The following CCM2 variants were observed in gnomAD, a reference collection of about 807,000 sequenced individuals.
CCM2 encodes cerebral cavernous malformations 2 protein.
In CCM2, 25 loss-of-function variants were observed where a neutral mutation model predicts 44.9. The ratio of observed to expected loss-of-function variants is 0.56; its 90% CI spans 0.41 to 0.78. The LOEUF (loss-of-function observed/expected upper bound fraction) is 0.78. Among genes scored for constraint, CCM2 ranks in the 30% least tolerant of loss-of-function variants. CCM2 has a pLI of 0.00. For synonymous variants in CCM2, 219 were observed against 241.1 expected (o/e 0.91, Z 0.85); for missense variants, 481 against 580.6 (o/e 0.83, Z 1.76).
At chr7:45,036,320 T>A (rs1797216753) in intron 1 of CCM2, among the ~76,000 whole-genome samples, 1 of 152,138 alleles carries the variant, frequency 6.6e-6, no homozygotes, top group Non-Finnish European at 1.5e-5. Context: ...AAAACCCAGC[T>A]ATGAAAGGGT....
At chr7:45,015,822 G>A (rs927092701) in intron 1 of CCM2, among the ~76,000 whole-genome samples, 3 of 152,198 alleles carry the variant, frequency 2.0e-5, no homozygotes, top group Non-Finnish European at 4.4e-5. Flanking sequence ...TCTTGTCCTT[G>A]ACATGCATGC....
At chr7:45,038,566 A>T (rs989201279) in intron 2 of CCM2, 140 bp downstream of exon 2, 1 of 865,174 alleles carries the variant, frequency 1.2e-6, no homozygotes, top group African/African-American at 1.7e-5. Flanking sequence ...TGTCTTGTCT[A>T]TGCTGATAAA....
chr7:45,030,463 G>A (rs897734362), intron 1 of CCM2, among the ~76,000 whole-genome samples: 1 of 152,132 alleles, frequency 6.6e-6, no homozygotes, highest in Non-Finnish European at 1.5e-5. Flanking sequence ...TCCAGACAGG[G>A]TCTCACTCTG....
At chr7:45,009,407 T>G (rs1436591360) in intron 1 of CCM2, among the ~76,000 whole-genome samples, 1 of 140,142 alleles carries the variant, frequency 7.1e-6, no homozygotes, top group African/African-American at 2.6e-5. Flanking sequence ...TACTTGTTTT[T>G]TTTTTTTTTT....
At chr7:45,027,144 T>G (rs1016824828) in intron 1 of CCM2, 3 of 187,512 alleles carry the variant, frequency 1.6e-5, no homozygotes, top group Admixed American at 5.4e-5. Flanking sequence ...GAGCCCGGTG[T>G]GCCCTGCCCA....
At chr7:45,036,865 G>A (rs944605003) in intron 1 of CCM2, among the ~76,000 whole-genome samples, 4 of 152,172 alleles carry the variant, frequency 2.6e-5, no homozygotes, top group Admixed American at 2.6e-4. Flanking sequence ...TTGGCCTACT[G>A]TGGGGGTTTC....
chr7:45,047,106 C>T (rs565936922), intron 2 of CCM2, among the ~76,000 whole-genome samples: 1 of 152,250 alleles, frequency 6.6e-6, no homozygotes, highest in East Asian at 1.9e-4. Context: ...ACCCCTCATT[C>T]ATTGCTGGTA....
chr7:45,064,439 C>A, intron 3 of CCM2, 24 bp from the exon 4 acceptor site: 1 of 1,611,728 alleles, frequency 6.2e-7, no homozygotes, highest in Non-Finnish European at 8.5e-7. Context: ...GTCTGTATTT[C>A]TGATGCCCTG....
chr7:45,050,681 A>AT (rs1329551053), intron 2 of CCM2, among the ~76,000 whole-genome samples: 1 of 151,874 alleles, frequency 6.6e-6, no homozygotes, highest in Non-Finnish European at 1.5e-5. Flanking sequence ...TCCATTGCCC[A>AT]TTTTTTCTGT....
intron 1 of CCM2, among the ~76,000 whole-genome samples, chr7:45,006,162 A>C (rs985719782): frequency 6.6e-6 from 1 of 152,116 alleles, no homozygotes; most frequent in Non-Finnish European, 1.5e-5. Flanking sequence ...GTAAAGAAAA[A>C]AAATCATGTA....
chr7:45,021,437 G>T (rs866554832), intron 1 of CCM2, among the ~76,000 whole-genome samples: 3 of 151,720 alleles, frequency 2.0e-5, no homozygotes, highest in African/African-American at 7.3e-5. Context: ...GGTGACACAT[G>T]CCTGTAATCC....
At chr7:45,027,565 CTT>C (rs1562871799) in intron 1 of CCM2, 2 of 1,532,292 alleles carry the variant, frequency 1.3e-6, no homozygotes, top group African/African-American at 1.4e-5. Flanking sequence ...GCTTTTTAAA[CTT>C]TTAAAAAATT....
At chr7:45,043,832 T>C (rs1206818429) in intron 2 of CCM2, 3 of 320,714 alleles carry the variant, frequency 9.4e-6, no homozygotes, top group South Asian at 4.9e-5. Flanking sequence ...CTCCGTCTTA[T>C]GAATTCATTC....
intron 1 of CCM2, among the ~76,000 whole-genome samples, chr7:45,008,315 G>T (rs1030543859): frequency 6.7e-6 from 1 of 149,484 alleles, no homozygotes; most frequent in Non-Finnish European, 1.5e-5. Context: ...TGACCAATGT[G>T]TGCCTCTGTG....
At chr7:45,040,043 A>C (rs1441184235) in intron 2 of CCM2, among the ~76,000 whole-genome samples, 1 of 151,614 alleles carries the variant, frequency 6.6e-6, no homozygotes, top group African/African-American at 2.4e-5. Flanking sequence ...AAACAAAACA[A>C]AACAACTATG....
chr7:45,039,461 C>T (rs1224472683), intron 2 of CCM2, among the ~76,000 whole-genome samples: 1 of 152,182 alleles, frequency 6.6e-6, no homozygotes, highest in Non-Finnish European at 1.5e-5. Context: ...AGTCAGGACT[C>T]CCGCCAGGCA....
At chr7:45,002,380 G>A (rs1226720186) in intron 1 of CCM2, among the ~76,000 whole-genome samples, 5 of 152,190 alleles carry the variant, frequency 3.3e-5, no homozygotes, top group African/African-American at 1.2e-4. Context: ...ACCAGCCTGG[G>A]CAACATGGCA....
At position 45,076,286 on chromosome 7, in the gene CCM2, A is replaced by G. The variant is rs1383262326; in HGVS notation, c.*229A>G. ...CTCTTTGCCTTGTCCACCAGGGCTC[A>G]GCCAAGCCCTGCAGTGTGTCCCCGC... On this transcript the variant is annotated 3_prime_UTR_variant, in exon 10 of 10. Transcript: ENST00000258781. 1 of 708,030 alleles carries G rather than the reference A, an allele frequency of 1.4e-6. No individual in the cohort carries two copies. Among genetic ancestry groups the G allele is most frequent in the Admixed American group, 2.0e-5 (1 of 49,394 alleles). The allele number at this position is 708,030 out of a possible 1,614,324, so 43.9% of individuals were successfully genotyped here. A position where few individuals can be genotyped will look rare whatever the true frequency, so the allele number is the denominator to read the frequency against.
At position 45,043,635 on chromosome 7, in the gene CCM2, A is replaced by G. The variant is rs1797616722; in HGVS notation, c.204+5209A>G. ...TGGGGTGAGACTCCATCCCAAAAAA[A>G]AAAAAAATTGTGGAGAAATTTTAAT... On this transcript the variant is annotated intron_variant, in intron 2 of 9. Transcript: ENST00000258781. The G allele has an allele frequency of 7.0e-5, 25 of 358,716 alleles. 2 individuals carry two copies. The highest frequency in any genetic ancestry group is 5.3e-4 in the South Asian group (25 of 47,342). The allele number at this position is 358,716 out of a possible 1,614,324, so 22.2% of individuals were successfully genotyped here.
Sources: gnomAD v4.1 joint callset for allele counts (sites outside exome capture counted in the v4.1 genomes callset) on GRCh38, gnomAD v4.1.1 for gene constraint, MANE v1.5 for transcripts, NCBI Gene and HGNC (gene_info 2026-07-23, HGNC 2026-07-21) for gene names.